TTC27: variants seen among roughly 807,000 people sequenced by gnomAD.
The protein encoded by TTC27 is tetratricopeptide repeat protein 27.
Under a neutral mutation model 115.9 loss-of-function variants are expected in TTC27, and 79 were observed. The ratio of observed to expected loss-of-function variants is 0.68; its 90% CI spans 0.57 to 0.82. TTC27 has a LOEUF of 0.82. TTC27 is among the 40% of genes least tolerant of loss of function. The probability of loss-of-function intolerance (pLI) is 0.00; values close to 1 mark genes in which losing one functional copy is unlikely to be tolerated. For missense variants in TTC27, 1,054 were observed against 993.1 expected, an observed-to-expected ratio of 1.06 and a Z score of -0.82; for synonymous variants, 401 against 356.0, an observed-to-expected ratio of 1.13 and a Z score of -1.42.
At chr2:32,639,412 C>T (rs1664552831) in intron 3 of TTC27, among the ~76,000 whole-genome samples, 1 of 151,510 alleles carries the variant, frequency 6.6e-6, no homozygotes, top group Non-Finnish European at 1.5e-5. Context: ...TTTTTTTCAG[C>T]CTTCTGCTCA....
At chr2:32,690,221 CAACAGATT>C in intron 9 of TTC27, among the ~76,000 whole-genome samples, 1 of 152,158 alleles carries the variant, frequency 6.6e-6, no homozygotes, top group East Asian at 1.9e-4. Context: ...GCCAAGTGAC[CAACAGATT>C]GATCACTGGT....
intron 10 of TTC27, among the ~76,000 whole-genome samples, chr2:32,710,078 T>C (rs1352622903): frequency 6.6e-6 from 1 of 152,188 alleles, no homozygotes; most frequent in African/African-American, 2.4e-5. Context: ...TGCGGTGGCA[T>C]GATCTCGGCT....
intron 5 of TTC27, among the ~76,000 whole-genome samples, chr2:32,653,187 A>G (rs1437464993): frequency 6.6e-6 from 1 of 152,202 alleles, no homozygotes; most frequent in Non-Finnish European, 1.5e-5. Flanking sequence ...TTTGAAGAAG[A>G]CCTCATGAAG....
At chr2:32,696,116 T>A (rs1022730700) in intron 9 of TTC27, among the ~76,000 whole-genome samples, 4 of 146,808 alleles carry the variant, frequency 2.7e-5, no homozygotes, top group Admixed American at 2.0e-4. Flanking sequence ...AGAGCGAGAC[T>A]CTACCTCAAA....
chr2:32,692,244 T>C (rs529822933), intron 9 of TTC27, among the ~76,000 whole-genome samples: 146 of 152,116 alleles, frequency 9.6e-4, no homozygotes, highest in African/African-American at 3.4e-3. Flanking sequence ...CCATTTTGAT[T>C]TTTAACCAAA....
chr2:32,667,840 G>A (rs1297328840), intron 7 of TTC27, among the ~76,000 whole-genome samples: 1 of 150,322 alleles, frequency 6.7e-6, no homozygotes, highest in Non-Finnish European at 1.5e-5. Flanking sequence ...GATCACTTGA[G>A]GTCAGGAGTT....
intron 10 of TTC27, among the ~76,000 whole-genome samples, chr2:32,719,884 C>T (rs1558308900): frequency 6.6e-6 from 1 of 152,158 alleles, no homozygotes; most frequent in Admixed American, 6.6e-5. Context: ...CTCCCATCCC[C>T]CAGCCAAATA....
rs144126758 is a variant in TTC27 at position 32,758,028 on chromosome 2, A to C, written c.1453-264A>C. 2.0e-5 allele frequency among the ~76,000 whole-genome samples: 3 copies of C among 152,298 alleles called. No individual in the cohort carries two copies. In the East Asian group the frequency reaches 5.8e-4, roughly 29 times the overall value. ...AAAACAACTTTTATGTGTGCTGGAA[A>C]TCAAAAACTTTGTGACTTGCTTTAT... On this transcript the variant is annotated intron_variant, in intron 12 of 19. Transcript: ENST00000317907.
intron 10 of TTC27, among the ~76,000 whole-genome samples, chr2:32,704,640 T>C (rs921184878): frequency 2.0e-5 from 3 of 152,206 alleles, no homozygotes; most frequent in African/African-American, 7.2e-5. Context: ...GATCCAAGCC[T>C]GGCATTTCAC....
At chr2:32,643,761 G>A (rs1487312806) in intron 4 of TTC27, among the ~76,000 whole-genome samples, 1 of 152,148 alleles carries the variant, frequency 6.6e-6, no homozygotes, top group East Asian at 1.9e-4. Context: ...TTGTCCAGGC[G>A]CAGTGGCTCT....
At chr2:32,770,956 T>C (rs1211356049) in intron 13 of TTC27, among the ~76,000 whole-genome samples, 3 of 152,216 alleles carry the variant, frequency 2.0e-5, no homozygotes, top group Non-Finnish European at 4.4e-5. Flanking sequence ...CCTTTTTATT[T>C]TTCCCTTCTA....
At chr2:32,651,189 G>A (rs1001558510) in intron 5 of TTC27, among the ~76,000 whole-genome samples, 4 of 152,194 alleles carry the variant, frequency 2.6e-5, no homozygotes, top group African/African-American at 9.7e-5. Context: ...ATGTATGTGT[G>A]TGTCCAAGGG....
chr2:32,678,814 A>C (rs746468210), intron 8 of TTC27, 42 bp from the exon 9 acceptor site: 2 of 1,419,168 alleles, frequency 1.4e-6, no homozygotes, highest in African/African-American at 1.4e-5. Flanking sequence ...TAGCTACAAC[A>C]TGCATCTTAT....
At chr2:32,650,289 C>A in intron 5 of TTC27, 56 bp downstream of exon 5, 1 of 1,277,712 alleles carries the variant, frequency 7.8e-7, no homozygotes, top group Non-Finnish European at 1.1e-6. Flanking sequence ...AATTACTTGG[C>A]TGAGATACTC....
chr2:32,809,573 C>T (rs887944565), intron 16 of TTC27, among the ~76,000 whole-genome samples: 3 of 152,186 alleles, frequency 2.0e-5, no homozygotes, highest in South Asian at 4.1e-4. Flanking sequence ...CCAGTGCTGT[C>T]GGTCCATGGA....
At chr2:32,675,130 G>A (rs959597148) in intron 8 of TTC27, among the ~76,000 whole-genome samples, 1 of 152,122 alleles carries the variant, frequency 6.6e-6, no homozygotes, top group South Asian at 2.1e-4. Context: ...ACAACACCAA[G>A]CGTTGTTATT....
intron 10 of TTC27, among the ~76,000 whole-genome samples, chr2:32,731,551 G>A (rs964036617): frequency 1.3e-5 from 2 of 151,996 alleles, no homozygotes; most frequent in East Asian, 3.9e-4. Context: ...ATTTTTTAAC[G>A]ATTTTTTTGT....
rs1218223276 is a variant in TTC27 at position 32,810,110 on chromosome 2, G to C, written c.1999-914G>C. Among the ~76,000 whole-genome samples, 7 of 92,630 alleles carry C rather than the reference G, an allele frequency of 7.6e-5. No individual in the cohort carries two copies. The South Asian group carries it at 1.3e-3, about 17-fold the overall frequency. 60.8% of individuals were successfully genotyped at this position (92,630 alleles called of 152,430 possible). On this transcript the variant is annotated intron_variant, in intron 16 of 19. Coordinates refer to ENST00000317907, the MANE Select transcript of TTC27 (RefSeq NM_017735.5). ...AGCCTGGGCAACAGAGTAAGACTCT[G>C]TCTCAAAAAAAAAAAAAAAATGGTG...
At chr2:32,752,693 A>G (rs897030339) in intron 12 of TTC27, among the ~76,000 whole-genome samples, 7 of 152,220 alleles carry the variant, frequency 4.6e-5, no homozygotes, top group African/African-American at 1.4e-4. Flanking sequence ...GGAAGGGTAC[A>G]GTCATTATGG....
Sources: allele counts gnomAD v4.1 joint callset (sites outside exome capture counted in the v4.1 genomes callset), GRCh38; gene constraint gnomAD v4.1.1; transcripts MANE v1.5; gene names NCBI Gene and HGNC (gene_info 2026-07-23, HGNC 2026-07-21).